The following GRIK4 variants were observed in gnomAD, a reference collection of about 807,000 sequenced individuals.
GRIK4 encodes the protein glutamate receptor ionotropic, kainate 4.
GRIK4 carries 40 observed loss-of-function variants against 104.9 expected under a neutral mutation model. That is an observed-to-expected ratio of 0.38 (90% CI 0.30 to 0.50). GRIK4 has a LOEUF of 0.50. Among genes scored for constraint, GRIK4 ranks in the 20% least tolerant of loss-of-function variants. GRIK4 has a pLI of 0.93. For synonymous variants in GRIK4, 485 were observed against 524.9 expected (o/e 0.92, Z 1.04); for missense variants, 1,047 against 1,308.1 (o/e 0.80, Z 3.08).
intron 3 of GRIK4, among the ~76,000 whole-genome samples, chr11:120,715,460 G>T (rs977569204): frequency 2.6e-5 from 4 of 152,194 alleles, no homozygotes; most frequent in African/African-American, 9.6e-5. Context: ...CCTAGAGGTT[G>T]TTCTGTGAAT....
intron 1 of GRIK4, among the ~76,000 whole-genome samples, chr11:120,569,132 G>T (rs1270577547): frequency 1.3e-5 from 2 of 152,182 alleles, no homozygotes; most frequent in African/African-American, 4.8e-5. Context: ...AGGCACCAAG[G>T]TCTATGCCCG....
At chr11:120,845,273 A>G (rs1477561185) in intron 8 of GRIK4, among the ~76,000 whole-genome samples, 1 of 152,216 alleles carries the variant, frequency 6.6e-6, no homozygotes. Flanking sequence ...CGTACATTAG[A>G]TGTACATGCG....
At chr11:120,572,246 C>A (rs1414875321) in intron 1 of GRIK4, among the ~76,000 whole-genome samples, 1 of 152,178 alleles carries the variant, frequency 6.6e-6, no homozygotes, top group Non-Finnish European at 1.5e-5. Context: ...AGCCTCCATC[C>A]CTTAATACTT....
At chr11:120,873,999 C>G in intron 9 of GRIK4, 67 bp from the exon 10 acceptor site, 1 of 1,366,786 alleles carries the variant, frequency 7.3e-7, no homozygotes, top group Non-Finnish European at 1.0e-6. Flanking sequence ...TTATTTTCTC[C>G]CTCCCCTCCC....
intron 1 of GRIK4, among the ~76,000 whole-genome samples, chr11:120,576,990 C>A (rs1948494084): frequency 6.6e-6 from 1 of 152,186 alleles, no homozygotes; most frequent in Non-Finnish European, 1.5e-5. Flanking sequence ...GTCGTATTTC[C>A]CCTCTCCCCA....
intron 6 of GRIK4, among the ~76,000 whole-genome samples, chr11:120,827,291 C>G (rs1591963501): frequency 6.6e-6 from 1 of 152,262 alleles, no homozygotes; most frequent in South Asian, 2.1e-4. Flanking sequence ...CCTCCCACCC[C>G]TCTTGGCCCC....
At chr11:120,747,723 T>TTTGGTATTGTGG (rs1326454588) in intron 3 of GRIK4, among the ~76,000 whole-genome samples, 1 of 152,264 alleles carries the variant, frequency 6.6e-6, no homozygotes, top group Non-Finnish European at 1.5e-5. Flanking sequence ...TGTTAATATT[T>TTTGGTATTGTGG]TTGGTATTGT....
At chr11:120,828,708 C>A (rs866105055) in intron 6 of GRIK4, among the ~76,000 whole-genome samples, 1 of 152,248 alleles carries the variant, frequency 6.6e-6, no homozygotes, top group Non-Finnish European at 1.5e-5. Flanking sequence ...GGGCGGGATG[C>A]GGACCTCCCA....
intron 1 of GRIK4, among the ~76,000 whole-genome samples, chr11:120,540,020 G>GC (rs1233126595): frequency 6.6e-6 from 1 of 152,144 alleles, no homozygotes; most frequent in Admixed American, 6.5e-5. Flanking sequence ...TGTTTCCTGG[G>GC]CTGGGGCTGG....
intron 13 of GRIK4, among the ~76,000 whole-genome samples, chr11:120,926,651 A>C (rs1373043463): frequency 1.3e-5 from 2 of 152,212 alleles, no homozygotes; most frequent in East Asian, 3.8e-4. Flanking sequence ...AAGGATAGAG[A>C]ATAATGTTAA....
At chr11:120,771,682 C>T (rs1951944917) in intron 3 of GRIK4, among the ~76,000 whole-genome samples, 3 of 152,144 alleles carry the variant, frequency 2.0e-5, no homozygotes, top group African/African-American at 7.2e-5. Context: ...GAATCCAGGA[C>T]CTATTATACA....
intron 8 of GRIK4, among the ~76,000 whole-genome samples, chr11:120,861,093 C>CT (rs547199127): frequency 0.082 from 7,010 of 85,674 alleles, 1,232 homozygotes; most frequent in Non-Finnish European, 0.11. Flanking sequence ...AAATCATCCT[C>CT]TTTTTTTTTT....
intron 3 of GRIK4, among the ~76,000 whole-genome samples, chr11:120,744,653 G>A (rs1219884033): frequency 1.3e-5 from 2 of 152,138 alleles, no homozygotes; most frequent in East Asian, 3.9e-4. Context: ...GAAAGTGTGG[G>A]GCAGTGCAGG....
chr11:120,523,066 C>T (rs1182731064), intron 1 of GRIK4, among the ~76,000 whole-genome samples: 1 of 151,286 alleles, frequency 6.6e-6, no homozygotes, highest in Non-Finnish European at 1.5e-5. Context: ...GTTGCTTCTC[C>T]ACTGCTCCTA....
chr11:120,986,318 G>T lies in GRIK4; in HGVS notation c.*58G>T. 1 of 1,417,436 alleles carries T rather than the reference G, an allele frequency of 7.1e-7. No individual in the cohort carries two copies. The allele number at this position is 1,417,436 out of a possible 1,614,324, so 87.8% of individuals were successfully genotyped here. A position where few individuals can be genotyped will look rare whatever the true frequency, so the allele number is the denominator to read the frequency against. Reference sequence around the variant, plus strand: ...CGGGGCGGGAGGGGAGGGGCGGGGCGGGCGCTGCTGTCAGCCGCCAGCCGG... The same window carrying T: ...CGGGGCGGGAGGGGAGGGGCGGGGCTGGCGCTGCTGTCAGCCGCCAGCCGG... On this transcript the variant is annotated 3_prime_UTR_variant, in exon 21 of 21. Transcript: ENST00000527524.
intron 3 of GRIK4, among the ~76,000 whole-genome samples, chr11:120,715,271 G>C (rs1233651921): frequency 6.6e-6 from 1 of 152,192 alleles, no homozygotes; most frequent in Non-Finnish European, 1.5e-5. Flanking sequence ...GTCCCGAGGA[G>C]CCCCAACCTA....
intron 3 of GRIK4, among the ~76,000 whole-genome samples, chr11:120,742,345 CA>C (rs755002657): frequency 0.027 from 2,008 of 74,100 alleles, 15 homozygotes; most frequent in Non-Finnish European, 0.039. Flanking sequence ...GACTCCGTTT[CA>C]AAAAAAAAAA....
chr11:120,633,115 G>A (rs1369712858), intron 1 of GRIK4, among the ~76,000 whole-genome samples: 1 of 152,116 alleles, frequency 6.6e-6, no homozygotes, highest in Admixed American at 6.5e-5. Flanking sequence ...AGCCACCAGC[G>A]CCATGCAGAA....
intron 1 of GRIK4, among the ~76,000 whole-genome samples, chr11:120,612,975 T>C (rs1005574713): frequency 3.3e-5 from 5 of 152,160 alleles, no homozygotes; most frequent in Non-Finnish European, 7.4e-5. Flanking sequence ...GAAAAAAGCA[T>C]TTCTAATCAG....
Sources: allele counts gnomAD v4.1 joint callset (sites outside exome capture counted in the v4.1 genomes callset), GRCh38; gene constraint gnomAD v4.1.1; transcripts MANE v1.5; gene names NCBI Gene and HGNC (gene_info 2026-07-23, HGNC 2026-07-21).